HHAT: variants seen among roughly 807,000 people sequenced by gnomAD.
HHAT encodes hedgehog acyltransferase, also known as protein-cysteine N-palmitoyltransferase HHAT.
HHAT carries 47 observed loss-of-function variants against 70.8 expected under a neutral mutation model. The observed-to-expected ratio is 0.66, with a 90% CI of 0.53 to 0.85. The LOEUF (loss-of-function observed/expected upper bound fraction) is 0.85. HHAT is among the 40% of genes least tolerant of loss of function. The probability of loss-of-function intolerance (pLI) is 0.00; values close to 1 mark genes in which losing one functional copy is unlikely to be tolerated. For missense variants in HHAT, 609 were observed against 604.8 expected (o/e 1.01, Z -0.07); for synonymous variants, 228 against 247.6 (o/e 0.92, Z 0.74).
intron 6 of HHAT, among the ~76,000 whole-genome samples, chr1:210,408,021 G>A (rs970849936): frequency 2.0e-5 from 3 of 152,052 alleles, no homozygotes; most frequent in South Asian, 2.1e-4. Context: ...GCTGTGCTTC[G>A]GCTTGAGAGT....
At chr1:210,502,071 C>T (rs528202067) in intron 8 of HHAT, among the ~76,000 whole-genome samples, 2 of 150,134 alleles carry the variant, frequency 1.3e-5, no homozygotes, top group South Asian at 2.1e-4. Flanking sequence ...TGCTTATCAG[C>T]GGTTCATTGT....
At chr1:210,467,814 C>T (rs1367217133) in intron 8 of HHAT, among the ~76,000 whole-genome samples, 1 of 152,164 alleles carries the variant, frequency 6.6e-6, no homozygotes, top group Non-Finnish European at 1.5e-5. Flanking sequence ...TGGAGCCATA[C>T]CCTCCTGAAC....
intron 9 of HHAT, among the ~76,000 whole-genome samples, chr1:210,565,910 G>A (rs1654612824): frequency 1.3e-5 from 2 of 152,174 alleles, no homozygotes; most frequent in South Asian, 4.1e-4. Context: ...GTGTAGCTCA[G>A]GGGTCTCTGG....
rs891181740 is a variant in HHAT at position 210,459,174 on chromosome 1, T to C, written c.857-5331T>C. The stretch of plus-strand genomic sequence containing the variant: ...CTAGTGCTAGGACTTCTTTCTCTCC[T>C]TTTTACCAATGTTCTTGATACTGGG... On this transcript the variant is annotated intron_variant, in intron 7 of 11. Coordinates refer to ENST00000261458, the MANE Select transcript of HHAT (RefSeq NM_018194.6). Among the ~76,000 whole-genome samples the C allele has an allele frequency of 6.6e-5, 10 of 152,290 alleles. 1 individual carries two copies. The highest frequency in any genetic ancestry group is 5.9e-4 in the Admixed American group (9 of 15,304).
chr1:210,423,070 G>A (rs931838127), intron 7 of HHAT, among the ~76,000 whole-genome samples: 8 of 152,166 alleles, frequency 5.3e-5, no homozygotes, highest in Non-Finnish European at 7.4e-5. Flanking sequence ...TCTCCTTTTC[G>A]TTGGATAAAT....
intron 9 of HHAT, among the ~76,000 whole-genome samples, chr1:210,577,636 G>GTT (rs1558198901): frequency 1.1e-5 from 1 of 93,436 alleles, no homozygotes; most frequent in African/African-American, 4.2e-5. Flanking sequence ...TGGCCTGTAG[G>GTT]ATTTTTTTTT....
At position 210,387,544 on chromosome 1, in the gene HHAT, T is replaced by C. The variant is rs746572782; in HGVS notation, c.236T>C (p.Met79Thr). 1.2e-6 allele frequency: 2 copies of C among 1,613,972 alleles called. No individual in the cohort carries two copies. The highest frequency in any genetic ancestry group is 1.3e-5 in the African/African-American group (1 of 74,930). ...QWLVWLLLGHMVVSQMATLLA... is the reference protein window; with the variant it reads ...QWLVWLLLGHTVVSQMATLLA... Reference sequence around the variant, plus strand: ...CTGGTGTGGCTTCTCCTTGGCCACATGGTAGTGTCTCAAATGGCCACACTG... The same window carrying C: ...CTGGTGTGGCTTCTCCTTGGCCACACGGTAGTGTCTCAAATGGCCACACTG... Residue 79 changes from methionine (M) to threonine (T), a missense_variant, in exon 4 of 12, where the codon ATG becomes ACG. Coordinates refer to ENST00000261458, the MANE Select transcript of HHAT (RefSeq NM_018194.6).
At chr1:210,339,388 GT>G (rs1459717196) in intron 1 of HHAT, among the ~76,000 whole-genome samples, 2 of 150,348 alleles carry the variant, frequency 1.3e-5, no homozygotes, top group Non-Finnish European at 2.9e-5. Flanking sequence ...CCTTTCTAAG[GT>G]ACCCTTGCTG....
chr1:210,576,559 T>G (rs1474477869), intron 9 of HHAT, among the ~76,000 whole-genome samples: 2 of 151,722 alleles, frequency 1.3e-5, no homozygotes, highest in Non-Finnish European at 2.9e-5. Context: ...GAGATATACC[T>G]AATGCTAAAT....
intron 8 of HHAT, among the ~76,000 whole-genome samples, chr1:210,467,378 G>A (rs879464000): frequency 6.6e-6 from 1 of 152,200 alleles, no homozygotes; most frequent in Non-Finnish European, 1.5e-5. Context: ...CATGTTTCAT[G>A]TTCAGTATCT....
At chr1:210,483,380 C>A (rs148742440) in intron 8 of HHAT, among the ~76,000 whole-genome samples, 1 of 152,338 alleles carries the variant, frequency 6.6e-6, no homozygotes, top group East Asian at 1.9e-4. Context: ...CTGAGCCCAG[C>A]AAGCGTCCTA....
intron 9 of HHAT, among the ~76,000 whole-genome samples, chr1:210,521,144 A>G (rs2095150897): frequency 6.6e-6 from 1 of 152,228 alleles, no homozygotes; most frequent in Non-Finnish European, 1.5e-5. Context: ...TATAGCACAT[A>G]TTCAGTTCAT....
At chr1:210,603,938 C>T (rs1323988288) in intron 10 of HHAT, among the ~76,000 whole-genome samples, 1 of 152,140 alleles carries the variant, frequency 6.6e-6, no homozygotes, top group African/African-American at 2.4e-5. Context: ...TGGTGTCAAA[C>T]TTGTAGTTTA....
intron 8 of HHAT, among the ~76,000 whole-genome samples, chr1:210,495,106 A>G (rs2094614481): frequency 6.6e-6 from 1 of 152,282 alleles, no homozygotes; most frequent in African/African-American, 2.4e-5. Flanking sequence ...CCTGAGAAGG[A>G]GCAGCCAGTG....
chr1:210,535,675 G>GTGCATGCGTGCA (rs1047763270), intron 9 of HHAT, among the ~76,000 whole-genome samples: 1 of 152,138 alleles, frequency 6.6e-6, no homozygotes, highest in Non-Finnish European at 1.5e-5. Flanking sequence ...TTGTGTGTGT[G>GTGCATGCGTGCA]TGCATGCGTG....
At chr1:210,386,222 CTTTTTTTCTTTTT>C (rs1269662510) in intron 3 of HHAT, among the ~76,000 whole-genome samples, 6 of 69,892 alleles carry the variant, frequency 8.6e-5, no homozygotes, top group Non-Finnish European at 5.8e-5. Flanking sequence ...GAGTCCTTTT[CTTTTTTTCTTTTT>C]TTTTTTTTTT....
chr1:210,527,273 G>A (rs2095261982), intron 9 of HHAT, among the ~76,000 whole-genome samples: 1 of 150,916 alleles, frequency 6.6e-6, no homozygotes, highest in African/African-American at 2.4e-5. Context: ...GCAGCATGCT[G>A]TGTGGTCTCT....
At chr1:210,553,703 A>T (rs1000294894) in intron 9 of HHAT, among the ~76,000 whole-genome samples, 1 of 152,040 alleles carries the variant, frequency 6.6e-6, no homozygotes, top group African/African-American at 2.4e-5. Context: ...TTCCCAAATC[A>T]TTTATCCGTG....
intron 8 of HHAT, among the ~76,000 whole-genome samples, chr1:210,468,074 A>T (rs1298365760): frequency 2.6e-5 from 4 of 152,162 alleles, no homozygotes; most frequent in African/African-American, 9.7e-5. Context: ...CTTCTTTTTC[A>T]TATAATTTCT....
Sources: gnomAD v4.1 joint callset for allele counts (sites outside exome capture counted in the v4.1 genomes callset) on GRCh38, gnomAD v4.1.1 for gene constraint, MANE v1.5 for transcripts, NCBI Gene and HGNC (gene_info 2026-07-23, HGNC 2026-07-21) for gene names.